The following CNIH3 variants were observed in gnomAD, a reference collection of about 807,000 sequenced individuals.
The protein encoded by CNIH3 is cornichon family AMPA receptor auxiliary protein 3, also known as protein cornichon homolog 3.
A neutral mutation model predicts 24.1 loss-of-function variants in CNIH3; 14 were observed. That is an observed-to-expected ratio of 0.58 (90% confidence interval 0.38 to 0.91). CNIH3 has a LOEUF of 0.91. Among genes scored for constraint, CNIH3 ranks in the 40% least tolerant of loss-of-function variants. The pLI is 0.00. For missense variants in CNIH3, 178 were observed against 196.8 expected, an observed-to-expected ratio of 0.90 and a Z score of 0.57; for synonymous variants, 68 against 73.8, an observed-to-expected ratio of 0.92 and a Z score of 0.40.
At chr1:224,731,871 T>G (rs1689348387) in intron 4 of CNIH3, among the ~76,000 whole-genome samples, 1 of 152,214 alleles carries the variant, frequency 6.6e-6, no homozygotes, top group South Asian at 2.1e-4. Context: ...CAGTAGTTGC[T>G]CAGTGAGGTT....
intron 1 of CNIH3, among the ~76,000 whole-genome samples, chr1:224,477,634 T>C (rs1371480610): frequency 6.6e-6 from 1 of 152,250 alleles, no homozygotes; most frequent in East Asian, 1.9e-4. Context: ...AAAGTTGTTT[T>C]AGTTATTTTT....
intron 1 of CNIH3, among the ~76,000 whole-genome samples, chr1:224,509,021 C>T (rs1051956260): frequency 2.0e-5 from 3 of 152,108 alleles, no homozygotes; most frequent in African/African-American, 7.2e-5. Flanking sequence ...GGGCAAACCT[C>T]ATGGTAAAAA....
chr1:224,492,655 G>A (rs775370157), intron 1 of CNIH3, among the ~76,000 whole-genome samples: 1 of 152,120 alleles, frequency 6.6e-6, no homozygotes, highest in African/African-American at 2.4e-5. Flanking sequence ...TTAATAAGAA[G>A]ATTTTATTTT....
At chr1:224,485,271 T>TTTAACAGGAAGATCTTTCC (rs1190713447) in intron 1 of CNIH3, among the ~76,000 whole-genome samples, 1 of 152,212 alleles carries the variant, frequency 6.6e-6, no homozygotes, top group Non-Finnish European at 1.5e-5. Flanking sequence ...GAACTCAGGT[T>TTTAACAGGAAGATCTTTCC]TTAACAGGAA....
chr1:224,484,666 G>C (rs2124829809), intron 1 of CNIH3, among the ~76,000 whole-genome samples: 1 of 152,096 alleles, frequency 6.6e-6, no homozygotes, highest in South Asian at 2.1e-4. Flanking sequence ...ATGTATATTA[G>C]GCTGCTTACA....
chr1:224,523,384 T>C (rs1463390936), intron 2 of CNIH3, among the ~76,000 whole-genome samples: 1 of 152,246 alleles, frequency 6.6e-6, no homozygotes, highest in African/African-American at 2.4e-5. Context: ...AAACTATTGC[T>C]ATGTGCAACA....
At chr1:224,500,242 G>T (rs1283028212) in intron 1 of CNIH3, among the ~76,000 whole-genome samples, 5 of 151,844 alleles carry the variant, frequency 3.3e-5, no homozygotes, top group African/African-American at 1.2e-4. Flanking sequence ...TGAACTCCTG[G>T]TCTCAAGTCA....
At chr1:224,648,558 G>T (rs1039272324) in intron 1 of CNIH3, among the ~76,000 whole-genome samples, 13 of 152,148 alleles carry the variant, frequency 8.5e-5, no homozygotes, top group Admixed American at 5.2e-4. Flanking sequence ...ACTGTAATAG[G>T]CATTCTTCAT....
intron 4 of CNIH3, among the ~76,000 whole-genome samples, chr1:224,569,611 T>C (rs990536640): frequency 3.3e-5 from 5 of 152,150 alleles, no homozygotes; most frequent in Non-Finnish European, 7.3e-5. Context: ...TAATTATTTT[T>C]CAAGTGGTTG....
chr1:224,468,931 G>C (rs1676256636), intron 1 of CNIH3, among the ~76,000 whole-genome samples: 1 of 151,356 alleles, frequency 6.6e-6, no homozygotes, highest in Admixed American at 6.6e-5. Flanking sequence ...GTTACCTGTA[G>C]TTTTTTGGTA....
chr1:224,598,942 C>G (rs1682098416), intron 3 of CNIH3, among the ~76,000 whole-genome samples: 1 of 152,094 alleles, frequency 6.6e-6, no homozygotes. Flanking sequence ...CCTGTATAAA[C>G]ATACAGGTAT....
chr1:224,439,460 C>T (rs953026321), intron 1 of CNIH3, among the ~76,000 whole-genome samples: 3 of 151,670 alleles, frequency 2.0e-5, no homozygotes, highest in Non-Finnish European at 4.4e-5. Context: ...ACCATAGAAA[C>T]GAGATCATTC....
At chr1:224,481,758 C>T (rs771710988) in intron 1 of CNIH3, among the ~76,000 whole-genome samples, 2 of 152,224 alleles carry the variant, frequency 1.3e-5, no homozygotes, top group Non-Finnish European at 2.9e-5. Context: ...TACCTGGCTA[C>T]TGCCTATGTT....
intron 1 of CNIH3, among the ~76,000 whole-genome samples, chr1:224,656,287 T>C (rs927359089): frequency 6.6e-6 from 1 of 152,250 alleles, no homozygotes; most frequent in Non-Finnish European, 1.5e-5. Flanking sequence ...TTTATTTTGC[T>C]TTTTGAACAA....
At chr1:224,543,953 C>T (rs555601151) in intron 2 of CNIH3, among the ~76,000 whole-genome samples, 1 of 152,114 alleles carries the variant, frequency 6.6e-6, no homozygotes, top group Admixed American at 6.5e-5. Context: ...ATTGATTATA[C>T]ACTCATAGGT....
chr1:224,576,983 A>C (rs960927716), intron 4 of CNIH3, among the ~76,000 whole-genome samples: 5 of 152,176 alleles, frequency 3.3e-5, no homozygotes, highest in African/African-American at 1.2e-4. Flanking sequence ...CACCCTAACA[A>C]ATGGTGCTGG....
chr1:224,510,595 TCAAAAAAAAAAAA>T lies in CNIH3; in HGVS notation n.204-5134_204-5122del, dbSNP rs1327659705. 6.4e-5 allele frequency among the ~76,000 whole-genome samples: 5 copies of T among 78,662 alleles called. No homozygotes were observed. The South Asian group carries it at 1.4e-3, about 23-fold the overall frequency. The allele number at this position is 78,662 out of a possible 152,430, so 51.6% of individuals were successfully genotyped here. On this transcript the variant is annotated intron_variant and non_coding_transcript_variant, in intron 1 of 5. Transcript: ENST00000471578. ...CTGGGCAACAGAACAGGACCCTGTC[TCAAAAAAAAAAAA>T]CAAAAAAAAAACAAAAAAAAGAAAG...
At chr1:224,661,634 A>C in intron 1 of CNIH3, 1 of 310,574 alleles carries the variant, frequency 3.2e-6, no homozygotes, top group Non-Finnish European at 6.2e-6. Context: ...AACTCAAATG[A>C]TTGTCAAAAT....
chr1:224,735,404 C>T (rs1157739241), intron 5 of CNIH3, among the ~76,000 whole-genome samples: 1 of 152,294 alleles, frequency 6.6e-6, no homozygotes, highest in South Asian at 2.1e-4. Flanking sequence ...AATGTCTCCT[C>T]CTCCTTCCTG....
Sources: gnomAD v4.1 joint callset for allele counts (sites outside exome capture counted in the v4.1 genomes callset) on GRCh38, gnomAD v4.1.1 for gene constraint, MANE v1.5 for transcripts, NCBI Gene and HGNC (gene_info 2026-07-23, HGNC 2026-07-21) for gene names.